Variants in MGMT observed in about 807,000 individuals in gnomAD.
MGMT encodes the protein O-6-methylguanine-DNA methyltransferase.
A neutral mutation model predicts 15.9 loss-of-function variants in MGMT; 14 were observed. The ratio of observed to expected loss-of-function variants is 0.88; its 90% CI spans 0.58 to 1.37. The LOEUF is 1.37. Among genes scored for constraint, MGMT ranks in the 40% most tolerant of loss-of-function variants. MGMT has a pLI of 0.00. For synonymous variants in MGMT, 130 were observed against 118.2 expected (o/e 1.10, Z -0.65); for missense variants, 282 against 268.1 (o/e 1.05, Z -0.36).
intron 2 of MGMT, among the ~76,000 whole-genome samples, chr10:129,596,099 T>C (rs1245354435): frequency 1.4e-5 from 2 of 138,946 alleles, no homozygotes; most frequent in East Asian, 4.6e-4. Context: ...TGCCCCGCCC[T>C]GCCCCTCCCT....
chr10:129,517,734 G>T (rs1358349548), intron 1 of MGMT, among the ~76,000 whole-genome samples: 3 of 152,164 alleles, frequency 2.0e-5, no homozygotes, highest in Non-Finnish European at 4.4e-5. Context: ...CTCAGGGTGG[G>T]CTGAGGCCCA....
intron 3 of MGMT, among the ~76,000 whole-genome samples, chr10:129,710,990 A>G (rs918262301): frequency 2.6e-5 from 4 of 152,136 alleles, no homozygotes; most frequent in African/African-American, 9.7e-5. Context: ...CTATGTCAAC[A>G]TTTTTAAAAA....
chr10:129,549,424 A>C lies in MGMT; in HGVS notation c.125+13047A>C, dbSNP rs192411794. Among the ~76,000 whole-genome samples the C allele has an allele frequency of 6.0e-3, 916 of 152,280 alleles. 5 individuals carry two copies. Among genetic ancestry groups the C allele is most frequent in the Non-Finnish European group, 9.2e-3 (626 of 68,010 alleles). The stretch of plus-strand genomic sequence containing the variant: ...CAAACAACTTTATAGTTGCATTTTT[A>C]GCCTTAATATCTGAGGGCGAGAAGA... On this transcript the variant is annotated intron_variant, in intron 2 of 4. Coordinates refer to ENST00000651593, the MANE Select transcript of MGMT (RefSeq NM_002412.5).
At chr10:129,643,733 C>G (rs758687704) in intron 2 of MGMT, among the ~76,000 whole-genome samples, 2 of 152,338 alleles carry the variant, frequency 1.3e-5, no homozygotes, top group South Asian at 4.1e-4. Context: ...CATCTTTGAG[C>G]CTGTGTTTAC....
chr10:129,750,460 G>T (rs1267348130), intron 3 of MGMT, among the ~76,000 whole-genome samples: 1 of 150,292 alleles, frequency 6.7e-6, no homozygotes, highest in Non-Finnish European at 1.5e-5. Flanking sequence ...CCACATCCAT[G>T]TATTCAACCA....
At position 129,608,502 on chromosome 10, in the gene MGMT, C is replaced by G. The variant is rs114125780; in HGVS notation, c.125+72125C>G. Among the ~76,000 whole-genome samples the G allele has an allele frequency of 2.2e-3, 334 of 152,306 alleles. 1 individual carries two copies. The highest frequency in any genetic ancestry group is 7.7e-3 in the African/African-American group (318 of 41,558). ...AACCTTGTTTTGAGATTATGAGAAT[C>G]ATTTGAATTGAATGTATTCTGTTGG... On this transcript the variant is annotated intron_variant, in intron 2 of 4. Transcript: ENST00000651593.
rs184757898 is a variant in MGMT at position 129,520,790 on chromosome 10, A to G, written c.-12-15451A>G. On this transcript the variant is annotated intron_variant, in intron 1 of 4. Coordinates refer to ENST00000651593, the MANE Select transcript of MGMT (RefSeq NM_002412.5). ...CCTAAGGTGTGCCTGCAGAGCCCCTATGGTGCGGGTGCAGAGCCCCTACGG... is the reference window on the plus strand; with the variant it reads ...CCTAAGGTGTGCCTGCAGAGCCCCTGTGGTGCGGGTGCAGAGCCCCTACGG... Among the ~76,000 whole-genome samples, 296 of 149,146 alleles carry G rather than the reference A, an allele frequency of 2.0e-3. 3 individuals are homozygous for G. The South Asian group carries it at 0.027, about 13-fold the overall frequency.
At chr10:129,476,553 C>G (rs1845296672) in intron 1 of MGMT, among the ~76,000 whole-genome samples, 3 of 152,112 alleles carry the variant, frequency 2.0e-5, no homozygotes, top group African/African-American at 7.2e-5. Flanking sequence ...GAACCGCTGC[C>G]TGGGGCAGTG....
chr10:129,488,004 T>TACACACACACACAC (rs373298935), intron 1 of MGMT, among the ~76,000 whole-genome samples: 2,636 of 121,420 alleles, frequency 0.022, 39 homozygotes, highest in Middle Eastern at 0.045. Flanking sequence ...CACATAGGTA[T>TACACACACACACAC]ACACACACAC....
intron 2 of MGMT, among the ~76,000 whole-genome samples, chr10:129,592,354 A>G (rs1846696684): frequency 6.6e-6 from 1 of 152,224 alleles, no homozygotes. Context: ...TGTTTAAACA[A>G]CGTTTTGCTG....
At chr10:129,760,711 G>A (rs533399766) in intron 4 of MGMT, among the ~76,000 whole-genome samples, 3 of 152,252 alleles carry the variant, frequency 2.0e-5, no homozygotes, top group Non-Finnish European at 4.4e-5. Flanking sequence ...GGTTTGTAGT[G>A]GATTGCATTG....
In MGMT at chr10:129,707,875, C is replaced by A; in HGVS notation, c.126-20C>A. On this transcript the variant is annotated intron_variant, in intron 2 of 4. Coordinates refer to ENST00000651593, the MANE Select transcript of MGMT (RefSeq NM_002412.5). ...GGCAGGGCCCAGAGGTTTACTAAGC[C>A]CCTGTTCTCACTTTTGCAGTGCCGT... 4 of 1,609,556 alleles carry A rather than the reference C, an allele frequency of 2.5e-6. No homozygotes were observed. The highest frequency in any genetic ancestry group is 3.4e-6 in the Non-Finnish European group (4 of 1,179,942).
At chr10:129,643,014 C>A (rs757941184) in intron 2 of MGMT, among the ~76,000 whole-genome samples, 26 of 152,094 alleles carry the variant, frequency 1.7e-4, no homozygotes, top group Non-Finnish European at 3.5e-4. Context: ...GAAGGCTGGG[C>A]GAGCGAATGT....
At chr10:129,588,705 ACT>A (rs760590864) in intron 2 of MGMT, among the ~76,000 whole-genome samples, 3 of 151,922 alleles carry the variant, frequency 2.0e-5, no homozygotes, top group African/African-American at 4.8e-5. Flanking sequence ...CTCAGCCCAT[ACT>A]CTCCTCTGTG....
chr10:129,732,894 T>G (rs999493170), intron 3 of MGMT, among the ~76,000 whole-genome samples: 6 of 148,258 alleles, frequency 4.0e-5, no homozygotes, highest in African/African-American at 1.2e-4. Context: ...AACTCATCAT[T>G]TTTTATGGCT....
At chr10:129,580,890 C>T (rs917564896) in intron 2 of MGMT, among the ~76,000 whole-genome samples, 19 of 152,322 alleles carry the variant, frequency 1.2e-4, no homozygotes, top group African/African-American at 3.4e-4. Flanking sequence ...AGACATAGTA[C>T]CATTTCTGGG....
At chr10:129,731,708 A>G (rs1264815069) in intron 3 of MGMT, among the ~76,000 whole-genome samples, 1 of 152,152 alleles carries the variant, frequency 6.6e-6, no homozygotes, top group Non-Finnish European at 1.5e-5. Flanking sequence ...GACTTTTTAA[A>G]TGTATTAACT....
chr10:129,619,396 A>G (rs944332917), intron 2 of MGMT, among the ~76,000 whole-genome samples: 3 of 152,164 alleles, frequency 2.0e-5, no homozygotes, highest in African/African-American at 7.2e-5. Context: ...AATAATAAAT[A>G]TACAAATAAT....
intron 1 of MGMT, among the ~76,000 whole-genome samples, chr10:129,478,510 A>C (rs1186805794): frequency 6.6e-6 from 1 of 152,248 alleles, no homozygotes; most frequent in African/African-American, 2.4e-5. Context: ...TAGATAGAAA[A>C]GGTTAAATTT....
Sources: gnomAD v4.1 joint callset for allele counts (sites outside exome capture counted in the v4.1 genomes callset) on GRCh38, gnomAD v4.1.1 for gene constraint, MANE v1.5 for transcripts, NCBI Gene and HGNC (gene_info 2026-07-23, HGNC 2026-07-21) for gene names.